BRINP3: variants seen among roughly 807,000 people sequenced by gnomAD.
BRINP3 encodes the protein BMP/retinoic acid-inducible neural-specific protein 3.
In BRINP3, 19 loss-of-function variants were observed where a neutral mutation model predicts 71.0. The ratio of observed to expected loss-of-function variants is 0.27; its 90% CI spans 0.19 to 0.39. BRINP3 has a LOEUF of 0.39. Among genes scored for constraint, BRINP3 ranks in the 10% least tolerant of loss-of-function variants. The pLI is 1.00. For missense variants in BRINP3, 959 were observed against 940.8 expected, an observed-to-expected ratio of 1.02 and a Z score of -0.25; for synonymous variants, 380 against 337.7, an observed-to-expected ratio of 1.13 and a Z score of -1.37.
intron 6 of BRINP3, among the ~76,000 whole-genome samples, chr1:190,208,125 TA>T (rs1655675581): frequency 6.6e-6 from 1 of 151,852 alleles, no homozygotes; most frequent in East Asian, 1.9e-4. Flanking sequence ...TTTTTTTTTT[TA>T]TTTTTTTTAT....
chr1:190,162,584 C>G (rs1651103847), intron 6 of BRINP3, among the ~76,000 whole-genome samples: 1 of 152,148 alleles, frequency 6.6e-6, no homozygotes, highest in Admixed American at 6.6e-5. Context: ...ATGCCACTAT[C>G]TTCAAAACTA....
intron 2 of BRINP3, among the ~76,000 whole-genome samples, chr1:190,353,204 T>G (rs1668511343): frequency 6.6e-6 from 1 of 152,006 alleles, no homozygotes; most frequent in African/African-American, 2.4e-5. Flanking sequence ...TAGGAAAAAC[T>G]ATAGTAATCT....
At chr1:190,448,033 A>G (rs1675344024) in intron 2 of BRINP3, among the ~76,000 whole-genome samples, 1 of 151,734 alleles carries the variant, frequency 6.6e-6, no homozygotes, top group Admixed American at 6.6e-5. Context: ...TCCTAAAATA[A>G]TTAGAGCACT....
At chr1:190,227,449 T>A (rs1558085210) in intron 5 of BRINP3, among the ~76,000 whole-genome samples, 1 of 151,934 alleles carries the variant, frequency 6.6e-6, no homozygotes. Flanking sequence ...CAGTCTCATT[T>A]TGAATAAAAT....
At chr1:190,470,402 T>A (rs1191718215) in intron 1 of BRINP3, among the ~76,000 whole-genome samples, 1 of 151,134 alleles carries the variant, frequency 6.6e-6, no homozygotes, top group Non-Finnish European at 1.5e-5. Context: ...AATGTGTACT[T>A]TATAGATTTA....
intron 1 of BRINP3, among the ~76,000 whole-genome samples, chr1:190,468,352 T>C (rs1049806646): frequency 9.3e-5 from 14 of 151,304 alleles, no homozygotes; most frequent in African/African-American, 3.4e-4. Flanking sequence ...TTTCCTTAAT[T>C]AACAGCTATG....
chr1:190,195,273 G>A (rs1654378655), intron 6 of BRINP3, among the ~76,000 whole-genome samples: 1 of 151,658 alleles, frequency 6.6e-6, no homozygotes, highest in South Asian at 2.1e-4. Flanking sequence ...TATAAAATAA[G>A]ACCAATTTTT....
chr1:190,332,391 C>T (rs1178274354), intron 2 of BRINP3, among the ~76,000 whole-genome samples: 1 of 152,014 alleles, frequency 6.6e-6, no homozygotes, highest in African/African-American at 2.4e-5. Flanking sequence ...GGCAGCCAAA[C>T]GCTAACTATT....
At chr1:190,172,849 T>C (rs915217819) in intron 6 of BRINP3, among the ~76,000 whole-genome samples, 4 of 152,092 alleles carry the variant, frequency 2.6e-5, no homozygotes, top group Admixed American at 2.6e-4. Context: ...TCCATAGAAA[T>C]GGCAGCATTC....
chr1:190,396,878 T>C (rs927868257), intron 2 of BRINP3, among the ~76,000 whole-genome samples: 5 of 84,386 alleles, frequency 5.9e-5, no homozygotes, highest in African/African-American at 2.0e-4. Context: ...GTAAACATAG[T>C]CCTTTTCAGT....
chr1:190,376,627 A>C (rs927354215), intron 2 of BRINP3, among the ~76,000 whole-genome samples: 6 of 152,044 alleles, frequency 3.9e-5, no homozygotes, highest in Non-Finnish European at 5.9e-5. Flanking sequence ...TTGAACTAGA[A>C]AACAAATACA....
At chr1:190,195,151 T>C (rs1654368636) in intron 6 of BRINP3, among the ~76,000 whole-genome samples, 1 of 152,036 alleles carries the variant, frequency 6.6e-6, no homozygotes, top group Admixed American at 6.6e-5. Context: ...CAAGTAAATA[T>C]ATCTATGCCA....
chr1:190,186,569 G>C (rs1653547174), intron 6 of BRINP3, among the ~76,000 whole-genome samples: 1 of 152,060 alleles, frequency 6.6e-6, no homozygotes, highest in African/African-American at 2.4e-5. Context: ...GGTTCTTCTT[G>C]GTACTTTCAC....
At chr1:190,206,676 C>T (rs565017751) in intron 6 of BRINP3, among the ~76,000 whole-genome samples, 1 of 151,976 alleles carries the variant, frequency 6.6e-6, no homozygotes, top group Non-Finnish European at 1.5e-5. Context: ...AAAACCATAT[C>T]TGTTAATACG....
chr1:190,174,099 T>C (rs1317469618), intron 6 of BRINP3, among the ~76,000 whole-genome samples: 3 of 152,182 alleles, frequency 2.0e-5, no homozygotes, highest in African/African-American at 7.2e-5. Context: ...CTGCAAAGAA[T>C]AACAAAATAA....
intron 3 of BRINP3, among the ~76,000 whole-genome samples, chr1:190,273,937 T>C (rs1662333696): frequency 6.6e-6 from 1 of 151,674 alleles, no homozygotes; most frequent in South Asian, 2.1e-4. Context: ...CATAGTTTCA[T>C]GATCCATTGT....
At chr1:190,303,514 T>C (rs1228589351) in intron 2 of BRINP3, among the ~76,000 whole-genome samples, 1 of 151,650 alleles carries the variant, frequency 6.6e-6, no homozygotes, top group Non-Finnish European at 1.5e-5. Flanking sequence ...ACAATGAAAA[T>C]AAATAAGCTT....
intron 6 of BRINP3, among the ~76,000 whole-genome samples, chr1:190,175,697 T>G (rs768642681): frequency 3.9e-5 from 6 of 152,174 alleles, no homozygotes; most frequent in Non-Finnish European, 7.4e-5. Context: ...TTATAGGACA[T>G]GAAAAGCATA....
At chr1:190,413,924 C>A (rs1464926482) in intron 2 of BRINP3, among the ~76,000 whole-genome samples, 1 of 152,052 alleles carries the variant, frequency 6.6e-6, no homozygotes, top group East Asian at 1.9e-4. Flanking sequence ...AGGAATTACA[C>A]ATAAATATTA....
Sources: allele counts gnomAD v4.1 joint callset (sites outside exome capture counted in the v4.1 genomes callset), GRCh38; gene constraint gnomAD v4.1.1; transcripts MANE v1.5; gene names NCBI Gene and HGNC (gene_info 2026-07-23, HGNC 2026-07-21).